Variants in NEK10 observed in about 807,000 individuals in gnomAD.
The protein encoded by NEK10 is serine/threonine-protein kinase Nek10.
NEK10 carries 122 observed loss-of-function variants against 159.8 expected under a neutral mutation model. That is an observed-to-expected ratio of 0.76 (90% CI 0.66 to 0.89). The LOEUF (loss-of-function observed/expected upper bound fraction) is 0.89. Ranked by LOEUF, NEK10 falls within the 40% of genes least tolerant of loss-of-function variation. The probability of loss-of-function intolerance (pLI) is 0.00; values close to 1 mark genes in which losing one functional copy is unlikely to be tolerated. For missense variants in NEK10, 1,342 were observed against 1,323.1 expected (o/e 1.01, Z -0.22); for synonymous variants, 466 against 457.1 (o/e 1.02, Z -0.25).
intron 23 of NEK10, among the ~76,000 whole-genome samples, chr3:27,239,904 T>C (rs952095438): frequency 6.6e-6 from 1 of 152,176 alleles, no homozygotes; most frequent in Non-Finnish European, 1.5e-5. Flanking sequence ...GAAATGTTCA[T>C]AGGCCAAAAC....
At chr3:27,153,723 A>C (rs1945122078) in intron 30 of NEK10, among the ~76,000 whole-genome samples, 1 of 152,222 alleles carries the variant, frequency 6.6e-6, no homozygotes, top group African/African-American at 2.4e-5. Flanking sequence ...TCAGAAACAC[A>C]ATCAAGATGG....
chr3:27,330,978 G>A (rs2046350455), intron 5 of NEK10, among the ~76,000 whole-genome samples: 1 of 152,092 alleles, frequency 6.6e-6, no homozygotes, highest in Admixed American at 6.5e-5. Flanking sequence ...GCTCACACCT[G>A]TAATCCCAGC....
intron 1 of NEK10, among the ~76,000 whole-genome samples, chr3:27,361,381 T>C (rs1277075408): frequency 1.3e-5 from 2 of 152,154 alleles, no homozygotes; most frequent in Non-Finnish European, 2.9e-5. Context: ...AGCAGCAATA[T>C]TGAAAAGAGG....
chr3:27,133,433 T>C (rs1453441115), intron 31 of NEK10, among the ~76,000 whole-genome samples: 5 of 152,206 alleles, frequency 3.3e-5, no homozygotes, highest in African/African-American at 1.2e-4. Context: ...TATGAAGTAC[T>C]GTAATTATAT....
intron 23 of NEK10, chr3:27,253,087 T>TA: frequency 2.9e-6 from 1 of 343,100 alleles, no homozygotes; most frequent in African/African-American, 2.1e-5. Flanking sequence ...CAGTTTTACC[T>TA]ACAGGTTTAT....
At chr3:27,282,310 C>T (rs896075365) in intron 22 of NEK10, among the ~76,000 whole-genome samples, 14 of 151,226 alleles carry the variant, frequency 9.3e-5, no homozygotes, top group Admixed American at 2.6e-4. Flanking sequence ...TATTTTGATG[C>T]GTGATAATGA....
In NEK10 at chr3:27,310,931, C is replaced by G. The variant is rs1381576513; in HGVS notation, c.636+18G>C. 3.2e-6 allele frequency: 5 copies of G among 1,538,668 alleles called. No individual in the cohort carries two copies. The South Asian group carries it at 5.6e-5, about 17-fold the overall frequency. ...GCCATAGGGAGCTGAAGCATTAACT[C>G]TTTCAGGGGCCACTCACCTTGTGGG... On this transcript the variant is annotated intron_variant, in intron 9 of 35. Coordinates refer to ENST00000691995, the MANE Select transcript of NEK10 (RefSeq NM_001394966.1).
At chr3:27,152,397 A>G (rs2148752364) in intron 30 of NEK10, among the ~76,000 whole-genome samples, 1 of 152,328 alleles carries the variant, frequency 6.6e-6, no homozygotes, top group East Asian at 1.9e-4. Flanking sequence ...AAAACTAAGC[A>G]TCATATATGA....
At chr3:27,190,472 G>A (rs565837951) in intron 26 of NEK10, among the ~76,000 whole-genome samples, 3 of 152,248 alleles carry the variant, frequency 2.0e-5, no homozygotes, top group South Asian at 2.1e-4. Context: ...ATTTATAAAC[G>A]TTTGAAGTTT....
intron 30 of NEK10, among the ~76,000 whole-genome samples, chr3:27,155,360 G>A (rs1487626657): frequency 1.3e-5 from 2 of 151,796 alleles, no homozygotes; most frequent in African/African-American, 4.8e-5. Context: ...AAATCAGCTG[G>A]GTGTGGTAGC....
chr3:27,241,101 A>G (rs563812702), intron 23 of NEK10, among the ~76,000 whole-genome samples: 79 of 152,260 alleles, frequency 5.2e-4, no homozygotes, highest in African/African-American at 1.8e-3. Flanking sequence ...TCTCAACTCA[A>G]TGTAACTGTG....
intron 12 of NEK10, 87 bp downstream of exon 12, chr3:27,304,660 G>A: frequency 1.2e-6 from 1 of 815,318 alleles, no homozygotes; most frequent in Non-Finnish European, 2.1e-6. Flanking sequence ...AGGGAATGAG[G>A]TGACACACAC....
At chr3:27,273,904 A>G (rs2041568263) in intron 22 of NEK10, among the ~76,000 whole-genome samples, 2 of 150,410 alleles carry the variant, frequency 1.3e-5, no homozygotes, top group Admixed American at 6.6e-5. Context: ...TAATGCTCAG[A>G]GTTTTCCCTC....
intron 4 of NEK10, among the ~76,000 whole-genome samples, chr3:27,344,676 G>T (rs1031665735): frequency 6.6e-6 from 1 of 152,092 alleles, no homozygotes. Context: ...GGCTAAAATT[G>T]GTTGGAGGGA....
chr3:27,307,833 T>C, intron 11 of NEK10, 26 bp downstream of exon 11: 3 of 1,108,870 alleles, frequency 2.7e-6, no homozygotes, highest in Non-Finnish European at 4.2e-6. Context: ...CACTGCATTG[T>C]CTTTTTCTAC....
At chr3:27,184,495 G>T (rs1289590909) in intron 26 of NEK10, among the ~76,000 whole-genome samples, 3 of 152,200 alleles carry the variant, frequency 2.0e-5, no homozygotes, top group Admixed American at 1.3e-4. Flanking sequence ...GGTTACACAT[G>T]TGCCAAAAGC....
At chr3:27,252,632 G>A (rs887592908) in intron 23 of NEK10, among the ~76,000 whole-genome samples, 2 of 152,128 alleles carry the variant, frequency 1.3e-5, no homozygotes, top group Non-Finnish European at 2.9e-5. Context: ...TCAATTGTGT[G>A]AAGGAAAAGT....
intron 4 of NEK10, 123 bp from the exon 5 acceptor site, chr3:27,344,493 T>G (rs2047415040): frequency 2.0e-6 from 1 of 500,638 alleles, no homozygotes; most frequent in Admixed American, 3.8e-5. Flanking sequence ...ACTATACTAA[T>G]GAGGATTCAG....
intron 23 of NEK10, among the ~76,000 whole-genome samples, chr3:27,217,638 A>T (rs954772221): frequency 6.6e-6 from 1 of 152,160 alleles, no homozygotes; most frequent in African/African-American, 2.4e-5. Flanking sequence ...TCACTTCCCA[A>T]CTCATTCTGT....
Sources: gnomAD v4.1 joint callset for allele counts (sites outside exome capture counted in the v4.1 genomes callset) on GRCh38, gnomAD v4.1.1 for gene constraint, MANE v1.5 for transcripts, NCBI Gene and HGNC (gene_info 2026-07-23, HGNC 2026-07-21) for gene names.